Variants in SGCZ observed in about 807,000 individuals in gnomAD.
The protein encoded by SGCZ is sarcoglycan zeta.
SGCZ carries 40 observed loss-of-function variants against 41.3 expected under a neutral mutation model. The ratio of observed to expected loss-of-function variants is 0.97; its 90% CI spans 0.75 to 1.26. The LOEUF is 1.26. Ranked by LOEUF, SGCZ falls within the 50% of genes most tolerant of loss-of-function variation. The pLI, the probability that SGCZ is intolerant of heterozygous loss-of-function variation, is 0.00. For synonymous variants in SGCZ, 206 were observed against 137.5 expected (o/e 1.50, Z -3.49); for missense variants, 552 against 369.8 (o/e 1.49, Z -4.04).
At chr8:14,735,097 A>C (rs1798986891) in intron 1 of SGCZ, among the ~76,000 whole-genome samples, 1 of 152,146 alleles carries the variant, frequency 6.6e-6, no homozygotes, top group South Asian at 2.1e-4. Context: ...GAATCCCCAA[A>C]AAGACGGTAG....
At chr8:14,153,003 G>T (rs953101479) in intron 5 of SGCZ, among the ~76,000 whole-genome samples, 12 of 151,904 alleles carry the variant, frequency 7.9e-5, no homozygotes, top group African/African-American at 2.9e-4. Context: ...ACAAATAAGT[G>T]ATTGTCGGGG....
At chr8:14,385,085 T>C (rs894600829) in intron 2 of SGCZ, among the ~76,000 whole-genome samples, 1 of 152,176 alleles carries the variant, frequency 6.6e-6, no homozygotes, top group African/African-American at 2.4e-5. Context: ...TGATAGATGA[T>C]TAACAACTGT....
intron 2 of SGCZ, among the ~76,000 whole-genome samples, chr8:14,454,701 A>G (rs919114442): frequency 2.6e-5 from 4 of 152,206 alleles, no homozygotes; most frequent in African/African-American, 9.6e-5. Context: ...CCAGTGAAAT[A>G]GAATGGGAAG....
intron 5 of SGCZ, among the ~76,000 whole-genome samples, chr8:14,143,013 GAATC>G (rs1803417210): frequency 7.5e-6 from 1 of 132,466 alleles, no homozygotes; most frequent in Admixed American, 7.5e-5. Context: ...AAAAAAAAAA[GAATC>G]AACCAACATA....
At chr8:14,192,017 C>T (rs1404439321) in intron 4 of SGCZ, among the ~76,000 whole-genome samples, 2 of 151,930 alleles carry the variant, frequency 1.3e-5, no homozygotes. Context: ...TATAAACATA[C>T]TATTAATAGG....
intron 1 of SGCZ, among the ~76,000 whole-genome samples, chr8:14,697,421 G>A (rs887164975): frequency 6.6e-6 from 1 of 152,056 alleles, no homozygotes; most frequent in African/African-American, 2.4e-5. Flanking sequence ...CTAATATACT[G>A]CTTATCTTTA....
intron 5 of SGCZ, among the ~76,000 whole-genome samples, chr8:14,157,345 TGTGTGTGTGTGTGTGTGTGA>T (rs879639725): frequency 5.0e-4 from 64 of 128,348 alleles, no homozygotes; most frequent in Non-Finnish European, 7.7e-4. Context: ...TCTGTGTGTG[TGTGTGTGTGTGTGTGTGTGA>T]GTGTGTGTGT....
At chr8:14,696,408 G>C (rs1278853761) in intron 1 of SGCZ, among the ~76,000 whole-genome samples, 2 of 152,064 alleles carry the variant, frequency 1.3e-5, no homozygotes, top group African/African-American at 2.4e-5. Flanking sequence ...ATAACAAGCT[G>C]TTTATTAAAG....
At chr8:14,853,765 G>C (rs907583893) in intron 1 of SGCZ, among the ~76,000 whole-genome samples, 15 of 151,814 alleles carry the variant, frequency 9.9e-5, no homozygotes, top group African/African-American at 3.6e-4. Flanking sequence ...GAGGAAGGGA[G>C]AAAAATAAAC....
chr8:14,220,175 G>C (rs1487169249), intron 4 of SGCZ, among the ~76,000 whole-genome samples: 1 of 152,138 alleles, frequency 6.6e-6, no homozygotes, highest in African/African-American at 2.4e-5. Context: ...ATGGCTTTTT[G>C]TGACACTACT....
chr8:14,759,558 C>G (rs1799795389), intron 1 of SGCZ, among the ~76,000 whole-genome samples: 1 of 152,102 alleles, frequency 6.6e-6, no homozygotes, highest in Non-Finnish European at 1.5e-5. Flanking sequence ...TAAACAGTCT[C>G]TAATGATTTC....
chr8:14,515,029 G>C (rs1291926304), intron 2 of SGCZ, among the ~76,000 whole-genome samples: 2 of 151,736 alleles, frequency 1.3e-5, no homozygotes, highest in African/African-American at 4.8e-5. Context: ...ATTTTATAGG[G>C]CCTGCAACCA....
chr8:14,337,426 T>C (rs1470404040), intron 2 of SGCZ, among the ~76,000 whole-genome samples: 1 of 151,976 alleles, frequency 6.6e-6, no homozygotes, highest in Non-Finnish European at 1.5e-5. Flanking sequence ...CTTGATCAGG[T>C]GGTCAGAACA....
At chr8:14,920,426 A>C (rs1034186638) in intron 1 of SGCZ, among the ~76,000 whole-genome samples, 1 of 152,232 alleles carries the variant, frequency 6.6e-6, no homozygotes, top group Non-Finnish European at 1.5e-5. Context: ...CCACTTACAA[A>C]GACTGCATTT....
chr8:14,506,810 G>A (rs554435599), intron 2 of SGCZ, among the ~76,000 whole-genome samples: 48 of 152,240 alleles, frequency 3.2e-4, no homozygotes, highest in Non-Finnish European at 6.6e-4. Flanking sequence ...TGAAAATCCT[G>A]TTTGACTTCA....
At chr8:15,209,721 C>T (rs1274116530) in intron 1 of SGCZ, among the ~76,000 whole-genome samples, 6 of 151,978 alleles carry the variant, frequency 3.9e-5, no homozygotes, top group African/African-American at 7.2e-5. Context: ...TCAAGTTTGT[C>T]TTATCGTTGA....
At chr8:14,958,688 A>G (rs1393547749) in intron 1 of SGCZ, among the ~76,000 whole-genome samples, 3 of 152,126 alleles carry the variant, frequency 2.0e-5, no homozygotes, top group African/African-American at 7.2e-5. Flanking sequence ...TACACTTTAG[A>G]TTTGTGCATT....
intron 3 of SGCZ, among the ~76,000 whole-genome samples, chr8:14,313,396 C>T (rs895496209): frequency 1.3e-5 from 2 of 152,184 alleles, no homozygotes; most frequent in African/African-American, 4.8e-5. Context: ...TCACTGCATC[C>T]TCCGCCTCCT....
chr8:15,198,697 T>G (rs1316135780), intron 1 of SGCZ, among the ~76,000 whole-genome samples: 4 of 152,196 alleles, frequency 2.6e-5, no homozygotes, highest in Non-Finnish European at 5.9e-5. Context: ...TGGCTGTTAT[T>G]TACTGTGAGG....
Sources: gnomAD v4.1 joint callset for allele counts (sites outside exome capture counted in the v4.1 genomes callset) on GRCh38, gnomAD v4.1.1 for gene constraint, MANE v1.5 for transcripts, NCBI Gene and HGNC (gene_info 2026-07-23, HGNC 2026-07-21) for gene names.